The following MMP16 variants were observed in gnomAD, a reference collection of about 807,000 sequenced individuals.
MMP16 encodes the protein matrix metallopeptidase 16.
MMP16 carries 12 observed loss-of-function variants against 67.8 expected under a neutral mutation model. The observed-to-expected ratio is 0.18, with a 90% CI of 0.11 to 0.29. MMP16 has a LOEUF of 0.29. Among genes scored for constraint, MMP16 ranks in the 10% least tolerant of loss-of-function variants. The pLI is 1.00. For synonymous variants in MMP16, 249 were observed against 255.9 expected, an observed-to-expected ratio of 0.97 and a Z score of 0.26; for missense variants, 475 against 765.7, an observed-to-expected ratio of 0.62 and a Z score of 4.48.
chr8:88,184,797 A>G (rs1351068350), intron 3 of MMP16, among the ~76,000 whole-genome samples: 1 of 145,792 alleles, frequency 6.9e-6, no homozygotes, highest in Non-Finnish European at 1.5e-5. Flanking sequence ...AAAAGAATCC[A>G]TGTTTTCCTC....
chr8:88,277,998 G>T (rs1176059814), intron 1 of MMP16, among the ~76,000 whole-genome samples: 1 of 152,188 alleles, frequency 6.6e-6, no homozygotes, highest in Non-Finnish European at 1.5e-5. Flanking sequence ...CATCTTCGAT[G>T]AGTAAGGCTC....
At chr8:88,088,451 T>C (rs1462755040) in intron 6 of MMP16, among the ~76,000 whole-genome samples, 1 of 151,974 alleles carries the variant, frequency 6.6e-6, no homozygotes, top group African/African-American at 2.4e-5. Flanking sequence ...TTTGACTTAA[T>C]CTGAATGAGA....
At chr8:88,212,911 G>A (rs1809533748) in intron 1 of MMP16, among the ~76,000 whole-genome samples, 1 of 152,108 alleles carries the variant, frequency 6.6e-6, no homozygotes, top group Admixed American at 6.6e-5. Flanking sequence ...ATTAAAAATA[G>A]TTACCTCCTG....
rs747831127 is a variant in MMP16, at chr8:88,063,783, A to C, written c.1223-7505T>G. Among the ~76,000 whole-genome samples, 3 of 152,084 alleles carry C rather than the reference A, an allele frequency of 2.0e-5. No individual in the cohort carries two copies. The East Asian group carries it at 5.8e-4, about 29-fold the overall frequency. On this transcript the variant is annotated intron_variant, in intron 7 of 9. Transcript: ENST00000286614. The stretch of plus-strand genomic sequence containing the variant: ...TTGACTCTCAGAACAGAACAAGTTC[A>C]CACTCTGGCTTTCAGAATTGCTAAT...
At chr8:88,293,469 A>G (rs997763089) in intron 1 of MMP16, among the ~76,000 whole-genome samples, 8 of 152,158 alleles carry the variant, frequency 5.3e-5, no homozygotes, top group Non-Finnish European at 8.8e-5. Flanking sequence ...TTTAGTTAGT[A>G]TGTTCTTCAA....
intron 1 of MMP16, among the ~76,000 whole-genome samples, chr8:88,222,543 A>G (rs1053880369): frequency 1.3e-5 from 2 of 152,240 alleles, no homozygotes; most frequent in African/African-American, 4.8e-5. Context: ...ATAACACCAC[A>G]CAACTACAAC....
chr8:88,220,821 A>G (rs551012089), intron 1 of MMP16, among the ~76,000 whole-genome samples: 14 of 152,234 alleles, frequency 9.2e-5, no homozygotes, highest in African/African-American at 2.6e-4. Flanking sequence ...AATTTTTTAT[A>G]TAAGTCCTAA....
At chr8:88,199,183 A>G (rs1385900287) in intron 1 of MMP16, among the ~76,000 whole-genome samples, 3 of 152,090 alleles carry the variant, frequency 2.0e-5, no homozygotes, top group Non-Finnish European at 4.4e-5. Flanking sequence ...GAGGAAAGCA[A>G]AGAGAAAACC....
At chr8:88,125,050 T>C (rs1033255564) in intron 4 of MMP16, among the ~76,000 whole-genome samples, 1 of 151,954 alleles carries the variant, frequency 6.6e-6, no homozygotes, top group African/African-American at 2.4e-5. Context: ...CTTCAACCTG[T>C]GAATTTTGTG....
intron 1 of MMP16, among the ~76,000 whole-genome samples, chr8:88,250,205 C>A (rs1810187373): frequency 6.6e-6 from 1 of 151,958 alleles, no homozygotes; most frequent in South Asian, 2.1e-4. Context: ...AATTTCTAGT[C>A]CATTTGCATG....
rs557440531 is a variant in MMP16 at position 88,308,061 on chromosome 8, T to A, written c.132+19014A>T. On this transcript the variant is annotated intron_variant, in intron 1 of 9. Coordinates refer to ENST00000286614, the MANE Select transcript of MMP16 (RefSeq NM_005941.5). ...TTAAATAAATCTGTGGACAGAACTGTATTCAGAAATAGACTGAAATATGTG... is the reference window on the plus strand; with the variant it reads ...TTAAATAAATCTGTGGACAGAACTGAATTCAGAAATAGACTGAAATATGTG... Among the ~76,000 whole-genome samples, 117 of 152,204 alleles carry A rather than the reference T, an allele frequency of 7.7e-4. 1 individual carries two copies. The highest frequency in any genetic ancestry group is 2.9e-3 in the South Asian group (14 of 4,826).
intron 1 of MMP16, among the ~76,000 whole-genome samples, chr8:88,201,457 T>C (rs1266603894): frequency 6.6e-6 from 1 of 152,086 alleles, no homozygotes; most frequent in African/African-American, 2.4e-5. Flanking sequence ...AATAGAAAAG[T>C]GCAAAGGTGA....
intron 4 of MMP16, among the ~76,000 whole-genome samples, chr8:88,138,333 A>C (rs1322134479): frequency 1.3e-5 from 2 of 151,926 alleles, no homozygotes; most frequent in Admixed American, 6.6e-5. Flanking sequence ...AACTGTGCTA[A>C]TGTAGTGCTT....
intron 2 of MMP16, among the ~76,000 whole-genome samples, chr8:88,195,210 T>C (rs186218715): frequency 2.3e-4 from 35 of 152,234 alleles, no homozygotes; most frequent in Non-Finnish European, 1.5e-5. Context: ...AAAACAAACA[T>C]TTCCATCCCA....
chr8:88,129,502 C>T (rs1156596953), intron 4 of MMP16, among the ~76,000 whole-genome samples: 1 of 151,546 alleles, frequency 6.6e-6, no homozygotes, highest in African/African-American at 2.4e-5. Flanking sequence ...TTTATCTTGA[C>T]ACATTCAGAT....
At chr8:88,210,047 A>G (rs1276301130) in intron 1 of MMP16, among the ~76,000 whole-genome samples, 3 of 152,136 alleles carry the variant, frequency 2.0e-5, no homozygotes, top group African/African-American at 7.2e-5. Flanking sequence ...GTATACTACA[A>G]GAAGTTGGCA....
intron 1 of MMP16, among the ~76,000 whole-genome samples, chr8:88,237,423 G>A (rs1158025718): frequency 6.6e-6 from 1 of 152,086 alleles, no homozygotes; most frequent in Non-Finnish European, 1.5e-5. Flanking sequence ...GCCGAGGCGG[G>A]TGGATCACAA....
intron 6 of MMP16, among the ~76,000 whole-genome samples, chr8:88,083,179 A>G (rs1808781898): frequency 6.6e-6 from 1 of 151,828 alleles, no homozygotes; most frequent in African/African-American, 2.4e-5. Flanking sequence ...AATTAGAATG[A>G]AAATAATTCA....
intron 1 of MMP16, among the ~76,000 whole-genome samples, chr8:88,283,529 G>C (rs1429332693): frequency 1.3e-5 from 2 of 151,912 alleles, no homozygotes; most frequent in African/African-American, 4.8e-5. Context: ...AACTTGACAG[G>C]GCTATGCCTC....
Sources: gnomAD v4.1 joint callset for allele counts (sites outside exome capture counted in the v4.1 genomes callset) on GRCh38, gnomAD v4.1.1 for gene constraint, MANE v1.5 for transcripts, NCBI Gene and HGNC (gene_info 2026-07-23, HGNC 2026-07-21) for gene names.